The following PMM2 variants were observed in gnomAD, a reference collection of about 807,000 sequenced individuals.
PMM2 encodes mannose-6-phosphate isomerase.
Under a neutral mutation model 33.2 loss-of-function variants are expected in PMM2, and 35 were observed. That is an observed-to-expected ratio of 1.06 (90% CI 0.81 to 1.40). The LOEUF is 1.40. Among genes scored for constraint, PMM2 ranks in the 40% most tolerant of loss-of-function variants. The pLI is 0.00. For synonymous variants in PMM2, 153 were observed against 114.7 expected, an observed-to-expected ratio of 1.33 and a Z score of -2.13; for missense variants, 386 against 306.0, an observed-to-expected ratio of 1.26 and a Z score of -1.95.
chr16:8,822,068 T>A (rs913106765), intron 7 of PMM2, among the ~76,000 whole-genome samples: 1 of 152,190 alleles, frequency 6.6e-6, no homozygotes, highest in African/African-American at 2.4e-5. Context: ...GACTGGAGTT[T>A]TATTATTCCT....
intron 7 of PMM2, among the ~76,000 whole-genome samples, chr16:8,821,685 C>T (rs778059283): frequency 1.3e-5 from 2 of 152,222 alleles, no homozygotes; most frequent in Non-Finnish European, 2.9e-5. Context: ...AAGGGTCACT[C>T]GCCCTAGGGC....
intron 2 of PMM2, 69 bp downstream of exon 2, chr16:8,801,979 T>C (rs2060619298): frequency 9.0e-7 from 1 of 1,106,176 alleles, no homozygotes; most frequent in African/African-American, 1.6e-5. Flanking sequence ...TTGCCAAGTA[T>C]CATAGGCTGC....
chr16:8,835,753 G>A (rs2060841459), intron 7 of PMM2, among the ~76,000 whole-genome samples: 1 of 151,998 alleles, frequency 6.6e-6, no homozygotes, highest in African/African-American at 2.4e-5. Context: ...TCCTTTTAAA[G>A]CGTGCCATGG....
intron 7 of PMM2, among the ~76,000 whole-genome samples, chr16:8,820,203 CAAAT>C (rs895861571): frequency 1.3e-4 from 20 of 152,114 alleles, no homozygotes; most frequent in Non-Finnish European, 2.5e-4. Context: ...TCTCAATAAA[CAAAT>C]AAAGAAAAAC....
chr16:8,835,068 T>C (rs62033467), intron 7 of PMM2, among the ~76,000 whole-genome samples: 15,919 of 97,194 alleles, frequency 0.16, 302 homozygotes, highest in Middle Eastern at 0.24. Flanking sequence ...TGAGCATAGT[T>C]TGTGATTTTT....
intron 7 of PMM2, among the ~76,000 whole-genome samples, chr16:8,841,154 A>G (rs544469205): frequency 5.9e-5 from 9 of 151,506 alleles, no homozygotes; most frequent in African/African-American, 9.7e-5. Flanking sequence ...AGTCCGTTCT[A>G]CCTTTCCTGA....
At chr16:8,816,514 G>C (rs1363912484) in intron 7 of PMM2, among the ~76,000 whole-genome samples, 1 of 151,888 alleles carries the variant, frequency 6.6e-6, no homozygotes, top group African/African-American at 2.4e-5. Context: ...GCCAAGGTGG[G>C]CGGATCACCT....
At chr16:8,825,878 C>T (rs1346261229) in intron 7 of PMM2, among the ~76,000 whole-genome samples, 5 of 151,448 alleles carry the variant, frequency 3.3e-5, no homozygotes, top group Non-Finnish European at 7.4e-5. Context: ...GCCTCAACCT[C>T]CCGAGTAGCT....
chr16:8,832,489 C>T (rs2060816596), intron 7 of PMM2: 6 of 985,324 alleles, frequency 6.1e-6, no homozygotes, highest in African/African-American at 3.5e-5. Context: ...GAGACTCGTG[C>T]CGTTAGGCCT....
intron 7 of PMM2, among the ~76,000 whole-genome samples, chr16:8,836,433 G>A (rs2060848308): frequency 6.6e-6 from 1 of 152,008 alleles, no homozygotes; most frequent in Non-Finnish European, 1.5e-5. Flanking sequence ...ATCCCGGGCT[G>A]TGGGCATTCC....
chr16:8,831,049 G>T (rs1596499176), intron 7 of PMM2, among the ~76,000 whole-genome samples: 2 of 152,198 alleles, frequency 1.3e-5, no homozygotes, highest in African/African-American at 4.8e-5. Context: ...TGAGGCAGGA[G>T]AATCACTTGA....
intron 7 of PMM2, 121 bp downstream of exon 7, chr16:8,813,227 G>T: frequency 1.3e-6 from 1 of 752,546 alleles, no homozygotes; most frequent in Non-Finnish European, 2.4e-6. Flanking sequence ...AAACTGAGCA[G>T]TGGCTTCTGT....
rs1229689543 is a variant in PMM2, at chr16:8,804,846, A to C, written c.255+3A>C. On this transcript the variant is annotated splice_donor_region_variant and intron_variant, in intron 3 of 7. Transcript: ENST00000268261. ...ATGGGAAACTCTTGTGTAGACAGGT[A>C]GGTTCTTGAGTATCTGAATTACTAT... 2 of 1,583,026 alleles carry C rather than the reference A, an allele frequency of 1.3e-6. No individual in the cohort carries two copies. The highest frequency in any genetic ancestry group is 4.5e-5 in the East Asian group (2 of 44,696).
intron 4 of PMM2, 49 bp from the exon 5 acceptor site, chr16:8,811,030 A>G (rs1366195972): frequency 8.9e-7 from 1 of 1,117,898 alleles, no homozygotes; most frequent in Non-Finnish European, 1.3e-6. Flanking sequence ...TATGTTGCCC[A>G]AATGAATAAC....
rs2060676232 is a variant in PMM2, at chr16:8,811,259, T to A, written c.447+81T>A. On this transcript the variant is annotated intron_variant, in intron 5 of 7. Transcript: ENST00000268261. ...GGCCTGGTGTGGTGGTTCATGCCTGTAATCCCAACACTTTGGGAGGCCAAG... is the reference window on the plus strand; with the variant it reads ...GGCCTGGTGTGGTGGTTCATGCCTGAAATCCCAACACTTTGGGAGGCCAAG... 7 of 966,234 alleles carry A rather than the reference T, an allele frequency of 7.2e-6. No homozygotes were observed. In the South Asian group the frequency reaches 9.7e-5, roughly 13 times the overall value. The allele number at this position is 966,234 out of a possible 1,614,324, so 59.9% of individuals were successfully genotyped here. A position where few individuals can be genotyped will look rare whatever the true frequency, so the allele number is the denominator to read the frequency against.
chr16:8,842,610 G>A (rs1417701226), intron 7 of PMM2, among the ~76,000 whole-genome samples: 1 of 152,180 alleles, frequency 6.6e-6, no homozygotes, highest in Non-Finnish European at 1.5e-5. Flanking sequence ...GTGGAGGAAG[G>A]TATTGAGGAT....
At chr16:8,845,943 A>G (rs1262705379) in intron 7 of PMM2, among the ~76,000 whole-genome samples, 3 of 151,792 alleles carry the variant, frequency 2.0e-5, no homozygotes, top group African/African-American at 4.8e-5. Context: ...TGTCCGAAGG[A>G]AAAAAAAGGC....
At chr16:8,847,626 A>T (rs2060935797) in intron 7 of PMM2, 98 bp from the exon 8 acceptor site, 1 of 847,856 alleles carries the variant, frequency 1.2e-6, no homozygotes, top group African/African-American at 1.7e-5. Flanking sequence ...TGCCCAGTTA[A>T]ATCTTGTTTT....
chr16:8,825,133 C>T (rs11644506), intron 7 of PMM2, among the ~76,000 whole-genome samples: 22,044 of 152,124 alleles, frequency 0.14, 1,736 homozygotes, highest in East Asian at 0.23. Flanking sequence ...TGGGTTCATG[C>T]CATTCTCCTG....
Sources: gnomAD v4.1 joint callset for allele counts (sites outside exome capture counted in the v4.1 genomes callset) on GRCh38, gnomAD v4.1.1 for gene constraint, MANE v1.5 for transcripts, NCBI Gene and HGNC (gene_info 2026-07-23, HGNC 2026-07-21) for gene names.